Variants in SPG7 observed in about 807,000 individuals in gnomAD.
SPG7 encodes the protein mitochondrial inner membrane m-AAA protease component paraplegin.
SPG7 carries 103 observed loss-of-function variants against 81.9 expected under a neutral mutation model. The ratio of observed to expected loss-of-function variants is 1.26; its 90% CI spans 1.07 to 1.48. The LOEUF is 1.48. SPG7 is among the 40% of genes most tolerant of loss of function. SPG7 has a pLI of 0.00. For missense variants in SPG7, 1,241 were observed against 1,087.3 expected (o/e 1.14, Z -1.99); for synonymous variants, 534 against 444.2 (o/e 1.20, Z -2.54).
chr16:89,550,285 G>T, intron 12 of SPG7: 1 of 526,144 alleles, frequency 1.9e-6, no homozygotes, highest in Admixed American at 2.6e-5. Flanking sequence ...TGATTCTCTT[G>T]CCTCAGCCTC....
chr16:89,513,141 G>A, intron 3 of SPG7, 104 bp downstream of exon 3: 1 of 1,502,098 alleles, frequency 6.7e-7, no homozygotes, highest in Non-Finnish European at 9.0e-7. Flanking sequence ...TGGGGAGATG[G>A]GCCGGGTGCA....
chr16:89,524,914 G>C (rs1178529648), intron 4 of SPG7, among the ~76,000 whole-genome samples: 1 of 151,882 alleles, frequency 6.6e-6, no homozygotes, highest in Non-Finnish European at 1.5e-5. Context: ...CCCTTTGCTG[G>C]GTTACTCAGG....
At position 89,515,718 on chromosome 16, in the gene SPG7, T is replaced by A. The variant is rs183391849; in HGVS notation, c.376+2681T>A. The stretch of plus-strand genomic sequence containing the variant: ...TATTATTACTATTATTATTATTATT[T>A]TTTTTTTTGAGATGGGGTCTCGCTC... On this transcript the variant is annotated intron_variant, in intron 3 of 16. Coordinates refer to ENST00000645818, the MANE Select transcript of SPG7 (RefSeq NM_003119.4). Among the ~76,000 whole-genome samples the A allele has an allele frequency of 1.3e-3, 200 of 149,760 alleles. 1 individual carries two copies. Among genetic ancestry groups the A allele is most frequent in the South Asian group, 0.01 (49 of 4,750 alleles).
intron 10 of SPG7, chr16:89,546,317 A>G (rs1213705265): frequency 2.9e-6 from 1 of 340,236 alleles, no homozygotes; most frequent in South Asian, 2.3e-5. Context: ...TCAGCCTCCC[A>G]AAGTGCTAGG....
At position 89,557,441 on chromosome 16, in the gene SPG7, CCT is replaced by C. The variant is rs980694941; in HGVS notation, c.*349_*350del. On this transcript the variant is annotated 3_prime_UTR_variant, in exon 17 of 17. Coordinates refer to ENST00000645818, the MANE Select transcript of SPG7 (RefSeq NM_003119.4). ...AGAGCATTCAGACTCCAAACAGACC[CCT>C]GTTCATGCCGACGCTTGCACGACCG... 4 of 332,178 alleles carry C rather than the reference CCT, an allele frequency of 1.2e-5. No individual in the cohort carries two copies. Among genetic ancestry groups the C allele is most frequent in the East Asian group, 7.4e-5 (1 of 13,564 alleles). 20.6% of individuals were successfully genotyped at this position (332,178 alleles called of 1,614,324 possible). A position where few individuals can be genotyped will look rare whatever the true frequency, so the allele number is the denominator to read the frequency against.
intron 2 of SPG7, among the ~76,000 whole-genome samples, chr16:89,510,944 C>T (rs906496681): frequency 6.6e-6 from 1 of 152,202 alleles, no homozygotes; most frequent in Non-Finnish European, 1.5e-5. Context: ...GTGATCCTCC[C>T]ACCTCAGCCT....
intron 4 of SPG7, 79 bp downstream of exon 4, chr16:89,524,326 C>T (rs1273177501): frequency 2.0e-6 from 3 of 1,512,586 alleles, no homozygotes; most frequent in African/African-American, 1.4e-5. Flanking sequence ...CTGTGGGCTC[C>T]TGTGAATGAG....
intron 9 of SPG7, chr16:89,533,450 A>T (rs1229348634): frequency 6.6e-6 from 1 of 152,112 alleles, no homozygotes; most frequent in Non-Finnish European, 1.5e-5. Flanking sequence ...TACAGACGTG[A>T]GCCTTAGCAC....
chr16:89,554,824 T>A (rs2058670817), intron 16 of SPG7: 1 of 454,156 alleles, frequency 2.2e-6, no homozygotes, highest in Non-Finnish European at 4.0e-6. Context: ...ATTACCAATG[T>A]TTTGTCAGTT....
Position 89,529,464 on chromosome 16 carries a change from T to G in SPG7, c.759-13T>G, listed in dbSNP as rs1354892179. 1 of 1,597,406 alleles carries G rather than the reference T, an allele frequency of 6.3e-7. No homozygotes were observed. The highest frequency in any genetic ancestry group is 8.6e-7 in the Non-Finnish European group (1 of 1,166,668). On this transcript the variant is annotated splice_polypyrimidine_tract_variant and intron_variant, in intron 5 of 16. Transcript: ENST00000645818. ...CCGTCTGAGCCTGTGCCTGCCTCTC[T>G]TTCTTCCGGCAGTGCCCTGTACTCT...
rs368541637 is a variant in SPG7, at chr16:89,553,093, G to A, written c.1894G>A (p.Gly632Arg). ...LFERMCMALG[G>R]RASEALSFNE... Reference sequence around the variant, plus strand: ...TGAGCGGATGTGCATGGCCCTGGGAGGACGGGCCTCGGAAGCACTGTCCTT... The same window carrying A: ...TGAGCGGATGTGCATGGCCCTGGGAAGACGGGCCTCGGAAGCACTGTCCTT... Residue 632 changes from glycine (G) to arginine (R), a missense_variant, in exon 14 of 17, where the codon GGA (glycine) becomes AGA (arginine). Transcript: ENST00000645818. 5 of 1,613,348 alleles carry A rather than the reference G, an allele frequency of 3.1e-6. No individual in the cohort carries two copies. The highest frequency in any genetic ancestry group is 4.2e-6 in the Non-Finnish European group (5 of 1,179,746).
chr16:89,523,543 G>A (rs1567905589), intron 3 of SPG7: 2 of 363,640 alleles, frequency 5.5e-6, no homozygotes, highest in East Asian at 1.5e-4. Context: ...CTTTGCAGCA[G>A]GAGAGCTGAC....
At chr16:89,515,993 G>A (rs1216158941) in intron 3 of SPG7, among the ~76,000 whole-genome samples, 1 of 151,666 alleles carries the variant, frequency 6.6e-6, no homozygotes, top group Non-Finnish European at 1.5e-5. Context: ...ACAGGTGTGA[G>A]CCACCGTGCC....
At position 89,532,059 on chromosome 16, in the gene SPG7, C is replaced by T; in HGVS notation, c.1143C>T (p.Val381=). Residue 381 remains valine, a synonymous_variant, in exon 8 of 17, where the codon GTC becomes GTT. Transcript: ENST00000645818. ...TGGCCGGCCCAGAGTTCGTGGAGGTCATTGGAGGTAGGTGCTGTGGTTGGG... is the reference window on the plus strand; with the variant it reads ...TGGCCGGCCCAGAGTTCGTGGAGGTTATTGGAGGTAGGTGCTGTGGTTGGG... The part of the protein sequence containing the change: ...LAMAGPEFVE[V]IGGLGAARVR... 1 of 1,612,436 alleles carries T rather than the reference C, an allele frequency of 6.2e-7. No individual in the cohort carries two copies. Among genetic ancestry groups the T allele is most frequent in the Non-Finnish European group, 8.5e-7 (1 of 1,179,932 alleles).
At chr16:89,517,179 A>G (rs943568908) in intron 3 of SPG7, 2 of 152,198 alleles carry the variant, frequency 1.3e-5, no homozygotes, top group African/African-American at 4.8e-5. Context: ...CGGATTCTGC[A>G]TTCAGCCTTG....
intron 13 of SPG7, chr16:89,551,259 T>G (rs2152411299): frequency 5.8e-6 from 1 of 171,714 alleles, no homozygotes; most frequent in East Asian, 1.5e-4. Flanking sequence ...CCGTGCAGGT[T>G]TGAGGCTCAC....
At chr16:89,529,262 C>T (rs568387299) in intron 5 of SPG7, 1 of 611,552 alleles carries the variant, frequency 1.6e-6, no homozygotes, top group Admixed American at 2.5e-5. Flanking sequence ...CACACTCAGT[C>T]TGACCATTTG....
At chr16:89,515,876 T>G (rs959680682) in intron 3 of SPG7, among the ~76,000 whole-genome samples, 3 of 150,424 alleles carry the variant, frequency 2.0e-5, no homozygotes, top group African/African-American at 7.4e-5. Context: ...CCCAGCTAAT[T>G]TTTTGTATTT....
chr16:89,537,774 G>A (rs2058445981), intron 9 of SPG7: 1 of 985,468 alleles, frequency 1.0e-6, no homozygotes, highest in Non-Finnish European at 1.2e-6. Context: ...CAGTGTCTGG[G>A]CAGTGAATGA....
Sources: allele counts gnomAD v4.1 joint callset (sites outside exome capture counted in the v4.1 genomes callset), GRCh38; gene constraint gnomAD v4.1.1; transcripts MANE v1.5; gene names NCBI Gene and HGNC (gene_info 2026-07-23, HGNC 2026-07-21).